Variants in CLEC16A observed in about 807,000 individuals in gnomAD.
The protein encoded by CLEC16A is C-type lectin domain containing 16A.
Under a neutral mutation model 109.5 loss-of-function variants are expected in CLEC16A, and 51 were observed. The ratio of observed to expected loss-of-function variants is 0.47; its 90% CI spans 0.37 to 0.59. CLEC16A has a LOEUF of 0.59. Ranked by LOEUF, CLEC16A falls within the 20% of genes least tolerant of loss-of-function variation. The probability of loss-of-function intolerance (pLI) is 0.00; values close to 1 mark genes in which losing one functional copy is unlikely to be tolerated. For synonymous variants in CLEC16A, 673 were observed against 564.2 expected, an observed-to-expected ratio of 1.19 and a Z score of -2.73; for missense variants, 1,339 against 1,394.0, an observed-to-expected ratio of 0.96 and a Z score of 0.63.
chr16:11,066,053 A>G (rs2048737520), intron 19 of CLEC16A, among the ~76,000 whole-genome samples: 1 of 152,274 alleles, frequency 6.6e-6, no homozygotes, highest in African/African-American at 2.4e-5. Context: ...GCATGGACTC[A>G]GGGGCCAGAC....
chr16:11,105,502 G>C (rs998738830), intron 19 of CLEC16A, among the ~76,000 whole-genome samples: 1 of 152,178 alleles, frequency 6.6e-6, no homozygotes, highest in Non-Finnish European at 1.5e-5. Flanking sequence ...AATTTGACAC[G>C]GGGGAAAGAT....
At chr16:10,973,126 A>C in intron 7 of CLEC16A, 65 bp downstream of exon 7, 1 of 1,519,164 alleles carries the variant, frequency 6.6e-7, no homozygotes, top group South Asian at 1.2e-5. Context: ...TTCTGTTTTC[A>C]TCAAGGAAAA....
intron 10 of CLEC16A, among the ~76,000 whole-genome samples, chr16:10,998,475 A>T (rs1029933387): frequency 6.6e-6 from 1 of 152,212 alleles, no homozygotes; most frequent in Non-Finnish European, 1.5e-5. Context: ...TCTTTGCAGA[A>T]TACTTTTCCC....
intron 11 of CLEC16A, among the ~76,000 whole-genome samples, chr16:11,009,902 C>T (rs2045294220): frequency 6.6e-6 from 1 of 152,102 alleles, no homozygotes; most frequent in African/African-American, 2.4e-5. Context: ...ACCTGTAATC[C>T]CAGCACTTCG....
intron 19 of CLEC16A, among the ~76,000 whole-genome samples, chr16:11,074,567 T>C (rs2049246659): frequency 6.6e-6 from 1 of 152,220 alleles, no homozygotes; most frequent in South Asian, 2.1e-4. Flanking sequence ...TATTTTTTTT[T>C]CCTCAGTGGC....
chr16:11,031,356 C>T (rs577418453), intron 13 of CLEC16A, among the ~76,000 whole-genome samples: 1 of 152,294 alleles, frequency 6.6e-6, no homozygotes, highest in South Asian at 2.1e-4. Context: ...CCATGGGCTT[C>T]CTTCCTGCAG....
intron 1 of CLEC16A, among the ~76,000 whole-genome samples, chr16:10,952,124 G>A (rs1404337804): frequency 3.9e-5 from 6 of 152,336 alleles, no homozygotes; most frequent in Admixed American, 6.5e-5. Flanking sequence ...TAGGCACCAC[G>A]GTTGCCGTTT....
At chr16:11,001,714 C>T (rs1011705276) in intron 10 of CLEC16A, among the ~76,000 whole-genome samples, 5 of 152,170 alleles carry the variant, frequency 3.3e-5, no homozygotes, top group African/African-American at 7.2e-5. Flanking sequence ...CGATCTCGCT[C>T]ACTGAAGCCT....
At position 11,097,105 on chromosome 16, in the gene CLEC16A, C is replaced by T. The variant is rs184722547; in HGVS notation, c.2117-23510C>T. Among the ~76,000 whole-genome samples the T allele has an allele frequency of 1.6e-3, 246 of 152,282 alleles. 2 individuals carry two copies. Among genetic ancestry groups the T allele is most frequent in the Non-Finnish European group, 6.6e-4 (45 of 68,008 alleles). On this transcript the variant is annotated intron_variant, in intron 19 of 23. Transcript: ENST00000409790. ...TCCTCCCCACCCCAAGTTTGAACTT[C>T]CCTGTAGCTGAATCTCTACACCCAA...
intron 13 of CLEC16A, among the ~76,000 whole-genome samples, chr16:11,031,971 C>G (rs2046765750): frequency 6.6e-6 from 1 of 152,210 alleles, no homozygotes; most frequent in African/African-American, 2.4e-5. Flanking sequence ...AACATGGGGA[C>G]TACAAACTCC....
chr16:11,058,403 C>T (rs762884528), intron 18 of CLEC16A, among the ~76,000 whole-genome samples: 1 of 152,094 alleles, frequency 6.6e-6, no homozygotes, highest in East Asian at 1.9e-4. Context: ...GACTTTAAAT[C>T]GTCTCTAGAT....
intron 1 of CLEC16A, among the ~76,000 whole-genome samples, chr16:10,945,351 G>T (rs1035863573): frequency 2.6e-5 from 4 of 152,172 alleles, no homozygotes; most frequent in African/African-American, 9.7e-5. Flanking sequence ...TATTATAAAA[G>T]AACAGATTAT....
intron 19 of CLEC16A, among the ~76,000 whole-genome samples, chr16:11,067,151 T>TG (rs1260150396): frequency 3.7e-5 from 5 of 133,968 alleles, no homozygotes; most frequent in South Asian, 2.5e-4. Flanking sequence ...GTTGTTGTTG[T>TG]GGGGGTTTTT....
chr16:10,946,655 C>T (rs963739773), intron 1 of CLEC16A, among the ~76,000 whole-genome samples: 11 of 152,104 alleles, frequency 7.2e-5, no homozygotes, highest in African/African-American at 2.4e-4. Context: ...CCAGGTACCT[C>T]CAGGTTCTCA....
chr16:10,988,545 C>CG (rs1339256592), intron 10 of CLEC16A, among the ~76,000 whole-genome samples: 3 of 152,180 alleles, frequency 2.0e-5, no homozygotes, highest in Admixed American at 2.0e-4. Context: ...CAAGGGCTCT[C>CG]GTGACATTCT....
At chr16:11,005,965 CT>C (rs35514934) in intron 11 of CLEC16A, among the ~76,000 whole-genome samples, 38,060 of 147,378 alleles carry the variant, frequency 0.26, 4,797 homozygotes, top group Middle Eastern at 0.3. Context: ...CACATGATGA[CT>C]TTTTTTTTTT....
rs76222412 is a variant in CLEC16A, at chr16:11,020,122, C to A, written c.1304-71C>A. On this transcript the variant is annotated intron_variant, in intron 11 of 23. Coordinates refer to ENST00000409790, the MANE Select transcript of CLEC16A (RefSeq NM_015226.3). ...TCATTTATGCATATTTATTCTCCAA[C>A]ATGAGCATGTGTATAAATCTAGGGC... 1.5e-3 allele frequency: 2,210 copies of A among 1,505,680 alleles called. 33 individuals carry two copies. In the African/African-American group the frequency reaches 0.028, roughly 19 times the overall value. 93.3% of individuals were successfully genotyped at this position (1,505,680 alleles called of 1,614,324 possible). A position where few individuals can be genotyped will look rare whatever the true frequency, so the allele number is the denominator to read the frequency against.
intron 19 of CLEC16A, among the ~76,000 whole-genome samples, chr16:11,109,063 A>AT (rs2051398042): frequency 7.1e-6 from 1 of 140,516 alleles, no homozygotes; most frequent in Non-Finnish European, 1.5e-5. Flanking sequence ...GTGAGCTGAG[A>AT]TCGCGCCACT....
chr16:10,957,677 G>C, intron 1 of CLEC16A, 105 bp from the exon 2 acceptor site: 1 of 1,195,062 alleles, frequency 8.4e-7, no homozygotes, highest in Admixed American at 2.0e-5. Flanking sequence ...ACCCAAACCT[G>C]AAAAAGCATT....
Sources: allele counts gnomAD v4.1 joint callset (sites outside exome capture counted in the v4.1 genomes callset), GRCh38; gene constraint gnomAD v4.1.1; transcripts MANE v1.5; gene names NCBI Gene and HGNC (gene_info 2026-07-23, HGNC 2026-07-21).